Variants in KANSL1 observed in about 807,000 individuals in gnomAD.
KANSL1 encodes the protein KAT8 regulatory NSL complex subunit 1.
In KANSL1, 22 loss-of-function variants were observed where a neutral mutation model predicts 103.6. That is an observed-to-expected ratio of 0.21 (90% CI 0.15 to 0.30). The LOEUF (loss-of-function observed/expected upper bound fraction) is 0.30, where lower values mean the gene tolerates loss of function less well. Ranked by LOEUF, KANSL1 falls within the 10% of genes least tolerant of loss-of-function variation. KANSL1 has a pLI of 1.00. For missense variants in KANSL1, 1,337 were observed against 1,399.8 expected, an observed-to-expected ratio of 0.96 and a Z score of 0.72; for synonymous variants, 600 against 527.6, an observed-to-expected ratio of 1.14 and a Z score of -1.88.
chr17:46,128,677 C>G (rs916424838), intron 2 of KANSL1, among the ~76,000 whole-genome samples: 6 of 152,106 alleles, frequency 3.9e-5, no homozygotes. Flanking sequence ...CGAAAATAGG[C>G]GGGAATATAC....
intron 4 of KANSL1, among the ~76,000 whole-genome samples, chr17:46,073,982 T>C (rs1293143700): frequency 1.3e-5 from 2 of 152,246 alleles, no homozygotes; most frequent in African/African-American, 2.4e-5. Flanking sequence ...GTTAAGTAGA[T>C]ACAGAAATAT....
chr17:46,210,309 C>T (rs1256210548), intron 1 of KANSL1, among the ~76,000 whole-genome samples: 2 of 151,964 alleles, frequency 1.3e-5, no homozygotes, highest in Non-Finnish European at 2.9e-5. Context: ...CCCAACTCTA[C>T]TAAAAATACA....
At chr17:46,102,067 C>T (rs1274033087) in intron 2 of KANSL1, among the ~76,000 whole-genome samples, 3 of 152,112 alleles carry the variant, frequency 2.0e-5, no homozygotes, top group Non-Finnish European at 4.4e-5. Flanking sequence ...GGATAAAGCA[C>T]AAGGAGAAAA....
chr17:46,174,086 A>G (rs895382252), intron 1 of KANSL1, among the ~76,000 whole-genome samples: 3 of 152,252 alleles, frequency 2.0e-5, no homozygotes, highest in Non-Finnish European at 4.4e-5. Flanking sequence ...TGCTGCCAAT[A>G]ATAAAATCTG....
At chr17:46,122,615 T>A (rs925265021) in intron 2 of KANSL1, among the ~76,000 whole-genome samples, 11 of 151,660 alleles carry the variant, frequency 7.3e-5, no homozygotes, top group South Asian at 2.1e-4. Flanking sequence ...GATGCTGTTT[T>A]AAAAAAAAAC....
At chr17:46,065,135 G>A (rs1320905498) in intron 6 of KANSL1, among the ~76,000 whole-genome samples, 1 of 124,954 alleles carries the variant, frequency 8.0e-6, no homozygotes, top group African/African-American at 2.7e-5. Flanking sequence ...CCCACAGCAG[G>A]CTTTTTTTTT....
chr17:46,115,072 T>C (rs2042984933), intron 2 of KANSL1, among the ~76,000 whole-genome samples: 1 of 152,166 alleles, frequency 6.6e-6, no homozygotes, highest in South Asian at 2.1e-4. Flanking sequence ...TTTATTTATT[T>C]ATTTTGAGAT....
At position 46,174,182 on chromosome 17, in the gene KANSL1, G is replaced by T. The variant is rs62060915; in HGVS notation, c.-89-1950C>A. On this transcript the variant is annotated intron_variant, in intron 1 of 14. Coordinates refer to ENST00000432791, the MANE Select transcript of KANSL1 (RefSeq NM_015443.4). ...ATTTTCCCAATATTTTATTTGGTGG[G>T]TGTGGATGTGTGTGTGTGTGTTTAA... Among the ~76,000 whole-genome samples, 3 of 152,054 alleles carry T rather than the reference G, an allele frequency of 2.0e-5. No individual in the cohort carries two copies. The East Asian group carries it at 5.8e-4, about 29-fold the overall frequency.
intron 1 of KANSL1, among the ~76,000 whole-genome samples, chr17:46,206,423 G>C (rs2047971444): frequency 6.6e-6 from 1 of 152,220 alleles, no homozygotes; most frequent in Admixed American, 6.5e-5. Context: ...CAATTCAGTG[G>C]AGGAAAGAAT....
At chr17:46,117,875 C>G (rs191681571) in intron 2 of KANSL1, among the ~76,000 whole-genome samples, 1 of 152,210 alleles carries the variant, frequency 6.6e-6, no homozygotes, top group Admixed American at 6.5e-5. Flanking sequence ...AAAAGAAATA[C>G]ACTACTAAAT....
At chr17:46,148,467 A>C (rs1218223686) in intron 2 of KANSL1, among the ~76,000 whole-genome samples, 2 of 152,252 alleles carry the variant, frequency 1.3e-5, no homozygotes, top group Non-Finnish European at 2.9e-5. Flanking sequence ...AAACGTTCCT[A>C]TCTCTCAAGA....
intron 2 of KANSL1, among the ~76,000 whole-genome samples, chr17:46,147,446 C>T (rs967418067): frequency 4.6e-5 from 7 of 151,864 alleles, no homozygotes; most frequent in African/African-American, 1.7e-4. Context: ...TGGTAGCATG[C>T]GCCTGTAGTG....
At chr17:46,222,839 T>G (rs1476663487) in intron 1 of KANSL1, 1 of 152,158 alleles carries the variant, frequency 6.6e-6, no homozygotes, top group Non-Finnish European at 1.5e-5. Context: ...CCTCCTTACG[T>G]CTTTTCTGTT....
intron 1 of KANSL1, among the ~76,000 whole-genome samples, chr17:46,215,401 G>A (rs1187015018): frequency 2.0e-5 from 3 of 152,222 alleles, no homozygotes; most frequent in Non-Finnish European, 4.4e-5. Flanking sequence ...GAGCCATGGT[G>A]GAAGAGGGAG....
At chr17:46,105,864 T>TGCACAC (rs2042513713) in intron 2 of KANSL1, among the ~76,000 whole-genome samples, 1 of 109,594 alleles carries the variant, frequency 9.1e-6, no homozygotes, top group African/African-American at 4.5e-5. Flanking sequence ...CAGCAAGACC[T>TGCACAC]TCACACACAC....
intron 3 of KANSL1, chr17:46,094,199 C>A (rs62061793): frequency 0.14 from 30,849 of 224,884 alleles, 2,826 homozygotes; most frequent in Middle Eastern, 0.19. Context: ...TGGGCTCAAG[C>A]GATACTCCCA....
intron 3 of KANSL1, among the ~76,000 whole-genome samples, chr17:46,085,640 C>A (rs2079136838): frequency 6.6e-6 from 1 of 152,176 alleles, no homozygotes; most frequent in African/African-American, 2.4e-5. Flanking sequence ...CAGGTGCATG[C>A]CACCACATCC....
At chr17:46,087,470 AGTGGCTACCAC>A (rs1414823076) in intron 3 of KANSL1, among the ~76,000 whole-genome samples, 3 of 152,268 alleles carry the variant, frequency 2.0e-5, no homozygotes, top group African/African-American at 7.2e-5. Context: ...GCATCTATTG[AGTGGCTACCAC>A]GTGCAAGGTA....
intron 2 of KANSL1, among the ~76,000 whole-genome samples, chr17:46,125,026 G>GGGAGGGAGGAGGGA (rs2043458755): frequency 1.2e-5 from 1 of 83,588 alleles, no homozygotes; most frequent in Non-Finnish European, 2.9e-5. Context: ...AGGGAAGGGA[G>GGGAGGGAGGAGGGA]GGGAGGTAGG....
Sources: gnomAD v4.1 joint callset for allele counts (sites outside exome capture counted in the v4.1 genomes callset) on GRCh38, gnomAD v4.1.1 for gene constraint, MANE v1.5 for transcripts, NCBI Gene and HGNC (gene_info 2026-07-23, HGNC 2026-07-21) for gene names.